Variants in ADCY1 observed in about 807,000 individuals in gnomAD.
ADCY1 encodes adenylate cyclase 1.
In ADCY1, 28 loss-of-function variants were observed where a neutral mutation model predicts 105.4. The observed-to-expected ratio is 0.27, with a 90% CI of 0.20 to 0.36. The LOEUF (loss-of-function observed/expected upper bound fraction) is 0.36, where lower values mean the gene tolerates loss of function less well. Ranked by LOEUF, ADCY1 falls within the 10% of genes least tolerant of loss-of-function variation. The pLI is 1.00. For synonymous variants in ADCY1, 655 were observed against 623.8 expected, an observed-to-expected ratio of 1.05 and a Z score of -0.75; for missense variants, 977 against 1,434.2, an observed-to-expected ratio of 0.68 and a Z score of 5.15.
chr7:45,619,656 T>C (rs1584275425), intron 3 of ADCY1, among the ~76,000 whole-genome samples: 1 of 152,200 alleles, frequency 6.6e-6, no homozygotes, highest in East Asian at 1.9e-4. Context: ...CTGCATGATC[T>C]CATTTGTATG....
At position 45,718,713 on chromosome 7, in the gene ADCY1, G is replaced by C. The variant is rs1785405613; in HGVS notation, c.*4718G>C. 6.6e-6 allele frequency: 1 copy of C among 152,238 alleles called. No homozygotes were observed. The highest frequency in any genetic ancestry group is 2.4e-5 in the African/African-American group (1 of 41,438). The allele number at this position is 152,238 out of a possible 1,614,324, so 9.4% of individuals were successfully genotyped here. ...CACCCACCAAGTCAAGCAGAGCTGG[G>C]TGGGCTGAGACCAGCATCCCAGCTG... On this transcript the variant is annotated 3_prime_UTR_variant, in exon 20 of 20. Transcript: ENST00000297323.
At position 45,574,891 on chromosome 7, in the gene ADCY1, G is replaced by A. The variant is rs1792286346; in HGVS notation, c.348G>A (p.Val116=). The change falls in exon 1 of 20, where the codon GTG becomes GTA. Residue 116 remains valine, a synonymous_variant. Coordinates refer to ENST00000297323, the MANE Select transcript of ADCY1 (RefSeq NM_021116.4). This position sits in a 1 kb window ranked among gnomAD's most constrained non-coding sequence, Gnocchi z 7.0. ...TAACCAACGTCCGGTCCCTGCAGGTGCCCCAGCTGCAGCAGGTCGGCCAGC... is the reference window on the plus strand; with the variant it reads ...TAACCAACGTCCGGTCCCTGCAGGTACCCCAGCTGCAGCAGGTCGGCCAGC... ...LVVTNVRSLQ[V]PQLQQVGQLA... 1.2e-6 allele frequency: 2 copies of A among 1,611,894 alleles called. No homozygotes were observed. Among genetic ancestry groups the A allele is most frequent in the Non-Finnish European group, 1.7e-6 (2 of 1,179,690 alleles).
In ADCY1 at chr7:45,708,638, G is replaced by A. The variant is rs1284967560; in HGVS notation, c.2932+174G>A. On this transcript the variant is annotated intron_variant, in intron 18 of 19. Transcript: ENST00000297323. This position sits in a 1 kb window ranked among gnomAD's most constrained non-coding sequence, Gnocchi z 4.7. The stretch of plus-strand genomic sequence containing the variant: ...CCCCTGGAAGCTGCTGGTGGAAGGT[G>A]AAGATGCTTCAGAAAGTGACTTAGA... Among the ~76,000 whole-genome samples the A allele has an allele frequency of 6.6e-6, 1 of 152,230 alleles. No individual in the cohort carries two copies. The highest frequency in any genetic ancestry group is 1.5e-5 in the Non-Finnish European group (1 of 68,036).
At chr7:45,661,599 T>C (rs181963801) in intron 7 of ADCY1, among the ~76,000 whole-genome samples, 1 of 152,250 alleles carries the variant, frequency 6.6e-6, no homozygotes, top group Admixed American at 6.5e-5. Flanking sequence ...ACCCAGAACA[T>C]GAGGACTGTG....
chr7:45,699,500 T>A (rs527707318), intron 14 of ADCY1, among the ~76,000 whole-genome samples: 32 of 152,232 alleles, frequency 2.1e-4, no homozygotes, highest in African/African-American at 7.0e-4. Flanking sequence ...AAAATGCTTC[T>A]TGGAATACTG....
In ADCY1 at chr7:45,686,101, C is replaced by G. The variant is rs763219344; in HGVS notation, c.2213C>G (p.Thr738Ser). Residue 738 changes from threonine (T) to serine (S), a missense_variant, in exon 13 of 20, where the codon ACC (threonine) becomes AGC (serine). By Grantham distance (58) the Thr-to-Ser change is moderately conservative. Coordinates refer to ENST00000297323, the MANE Select transcript of ADCY1 (RefSeq NM_021116.4). The surrounding 1 kb of genome is among the most constrained non-coding windows in gnomAD (Gnocchi z 4.3). ...GCCCTGCTCTGCTGCCTGGTGGGCACCCTCCCGCTAGCCATATTTTTCCGG... is the reference window on the plus strand; with the variant it reads ...GCCCTGCTCTGCTGCCTGGTGGGCAGCCTCCCGCTAGCCATATTTTTCCGG... ...HHALLCCLVG[T>S]LPLAIFFRVS... The G allele has an allele frequency of 5.6e-6, 9 of 1,614,018 alleles. No individual in the cohort carries two copies. In the Admixed American group the frequency reaches 1.5e-4, roughly 27 times the overall value.
intron 14 of ADCY1, among the ~76,000 whole-genome samples, chr7:45,698,093 C>T (rs566966809): frequency 1.1e-4 from 17 of 152,140 alleles, no homozygotes; most frequent in African/African-American, 4.1e-4. Flanking sequence ...AGAAATACAA[C>T]AAGATGCTAA....
At chr7:45,682,162 C>T (rs148126247) in intron 11 of ADCY1, among the ~76,000 whole-genome samples, 33 of 152,280 alleles carry the variant, frequency 2.2e-4, no homozygotes, top group South Asian at 4.1e-4. Flanking sequence ...GCACAGCACA[C>T]GCTCAGTTGG....
chr7:45,708,559 C>A lies in ADCY1; in HGVS notation c.2932+95C>A. 1 of 961,862 alleles carries A rather than the reference C, an allele frequency of 1.0e-6. No homozygotes were observed. Among genetic ancestry groups the A allele is most frequent in the Non-Finnish European group, 1.6e-6 (1 of 615,896 alleles). 59.6% of individuals were successfully genotyped at this position (961,862 alleles called of 1,614,324 possible). ...CAGCTGATGAGGTACCCTGGTCTTA[C>A]AGGAAGGAGGGTGGTGCCACCCAGG... On this transcript the variant is annotated intron_variant, in intron 18 of 19. Coordinates refer to ENST00000297323, the MANE Select transcript of ADCY1 (RefSeq NM_021116.4). The surrounding 1 kb of genome is among the most constrained non-coding windows in gnomAD (Gnocchi z 4.7).
At chr7:45,614,067 A>G (rs1382459326) in intron 3 of ADCY1, among the ~76,000 whole-genome samples, 1 of 152,248 alleles carries the variant, frequency 6.6e-6, no homozygotes, top group Non-Finnish European at 1.5e-5. Context: ...ATAGCATAAG[A>G]AAATACGATA....
intron 1 of ADCY1, among the ~76,000 whole-genome samples, chr7:45,584,725 G>A (rs1163701359): frequency 1.3e-5 from 2 of 152,198 alleles, no homozygotes; most frequent in Non-Finnish European, 2.9e-5. Context: ...CCTGTGGCCA[G>A]CATCTAGGCT....
intron 2 of ADCY1, among the ~76,000 whole-genome samples, chr7:45,608,691 C>T (rs1037194306): frequency 3.9e-5 from 6 of 152,236 alleles, no homozygotes; most frequent in African/African-American, 1.2e-4. Flanking sequence ...TCCCCCATCA[C>T]CTGTCACATT....
At chr7:45,625,470 T>A (rs1394107700) in intron 4 of ADCY1, among the ~76,000 whole-genome samples, 1 of 151,910 alleles carries the variant, frequency 6.6e-6, no homozygotes. Context: ...TGCACATATG[T>A]GAGCATGCAT....
chr7:45,610,368 C>T lies in ADCY1; in HGVS notation c.790-11C>T. 6.2e-7 allele frequency: 1 copy of T among 1,612,500 alleles called. No homozygotes were observed. Among genetic ancestry groups the T allele is most frequent in the African/African-American group, 1.3e-5 (1 of 75,002 alleles). On this transcript the variant is annotated splice_polypyrimidine_tract_variant and intron_variant, in intron 2 of 19. Coordinates refer to ENST00000297323, the MANE Select transcript of ADCY1 (RefSeq NM_021116.4). ...CCTGCTGTCTAACCCGGGCCCTTCTCTTCTGTCCAGGAGCGGCTCCTCATG... is the reference window on the plus strand; with the variant it reads ...CCTGCTGTCTAACCCGGGCCCTTCTTTTCTGTCCAGGAGCGGCTCCTCATG...
intron 5 of ADCY1, among the ~76,000 whole-genome samples, chr7:45,650,610 C>T (rs1794784510): frequency 6.6e-6 from 1 of 152,110 alleles, no homozygotes; most frequent in African/African-American, 2.4e-5. Flanking sequence ...AGGTTGGTGA[C>T]CCTGACTGTG....
chr7:45,672,175 C>T (rs1784379826), intron 8 of ADCY1, among the ~76,000 whole-genome samples: 1 of 152,104 alleles, frequency 6.6e-6, no homozygotes, highest in South Asian at 2.1e-4. Flanking sequence ...TCTGGTTTCT[C>T]CAGCACCATT....
chr7:45,686,077 C>T lies in ADCY1; in HGVS notation c.2189C>T (p.Ala730Val), dbSNP rs1457337652. The T allele has an allele frequency of 6.2e-7, 1 of 1,614,140 alleles. No homozygotes were observed. Among genetic ancestry groups the T allele is most frequent in the Non-Finnish European group, 8.5e-7 (1 of 1,180,016 alleles). Reference protein sequence around the residue: ...PTLPCESTHHALLCCLVGTLP... With the variant: ...PTLPCESTHHVLLCCLVGTLP... ...CTGCCCTGCGAGTCTACACACCATGCCCTGCTCTGCTGCCTGGTGGGCACC... is the reference window on the plus strand; with the variant it reads ...CTGCCCTGCGAGTCTACACACCATGTCCTGCTCTGCTGCCTGGTGGGCACC... Residue 730 changes from alanine (A) to valine (V), a missense_variant, in exon 13 of 20, where the codon GCC (alanine) becomes GTC (valine). Coordinates refer to ENST00000297323, the MANE Select transcript of ADCY1 (RefSeq NM_021116.4). The surrounding 1 kb of genome is among the most constrained non-coding windows in gnomAD (Gnocchi z 4.3).
At chr7:45,598,775 G>A (rs772699794) in intron 2 of ADCY1, among the ~76,000 whole-genome samples, 7 of 152,210 alleles carry the variant, frequency 4.6e-5, no homozygotes, top group Non-Finnish European at 8.8e-5. Flanking sequence ...CAAGGAAAAC[G>A]CGATTGCAAT....
chr7:45,711,408 C>T (rs1280319273), intron 19 of ADCY1, among the ~76,000 whole-genome samples: 1 of 151,972 alleles, frequency 6.6e-6, no homozygotes, highest in Non-Finnish European at 1.5e-5. Context: ...ATGGAGCTCT[C>T]CTCTCCTGCT....
Sources: gnomAD v4.1 joint callset for allele counts (sites outside exome capture counted in the v4.1 genomes callset) on GRCh38, gnomAD v4.1.1 for gene constraint, Gnocchi (gnomAD v3.1) non-coding constraint, MANE v1.5 for transcripts, NCBI Gene and HGNC (gene_info 2026-07-23, HGNC 2026-07-21) for gene names.